Variants in ST3GAL3 observed in about 807,000 individuals in gnomAD.
ST3GAL3 encodes the protein ST3 beta-galactoside alpha-2,3-sialyltransferase 3.
Under a neutral mutation model 50.1 loss-of-function variants are expected in ST3GAL3, and 21 were observed. The observed-to-expected ratio is 0.42, with a 90% CI of 0.30 to 0.60. The LOEUF is 0.60. ST3GAL3 is among the 20% of genes least tolerant of loss of function. ST3GAL3 has a pLI of 0.19. For synonymous variants in ST3GAL3, 183 were observed against 190.0 expected (o/e 0.96, Z 0.30); for missense variants, 353 against 489.4 (o/e 0.72, Z 2.63).
intron 5 of ST3GAL3, among the ~76,000 whole-genome samples, chr1:43,859,783 C>G (rs983719860): frequency 9.2e-5 from 14 of 152,196 alleles, no homozygotes; most frequent in African/African-American, 3.4e-4. Flanking sequence ...GGCTCTGTAC[C>G]TGCTGTCTCC....
chr1:43,828,071 A>G (rs1475348210), intron 4 of ST3GAL3, among the ~76,000 whole-genome samples: 1 of 152,196 alleles, frequency 6.6e-6, no homozygotes, highest in Non-Finnish European at 1.5e-5. Context: ...AGATCAATAG[A>G]ATAGGATAGA....
chr1:43,785,540 G>A (rs1038846723), intron 2 of ST3GAL3, among the ~76,000 whole-genome samples: 10 of 152,306 alleles, frequency 6.6e-5, no homozygotes, highest in East Asian at 1.9e-4. Context: ...GATGATCCAT[G>A]GGATAGCTGG....
intron 1 of ST3GAL3, chr1:43,709,277 A>G (rs1398279688): frequency 6.6e-6 from 1 of 152,214 alleles, no homozygotes; most frequent in Non-Finnish European, 1.5e-5. Flanking sequence ...TCCAAGAGGT[A>G]CCTTTGTCCT....
intron 5 of ST3GAL3, 66 bp from the exon 6 acceptor site, chr1:43,894,317 G>A (rs975390847): frequency 8.6e-6 from 13 of 1,514,602 alleles, no homozygotes; most frequent in Admixed American, 8.4e-5. Context: ...ACCGACGTAC[G>A]GAAGTGCCAC....
At chr1:43,736,824 C>G (rs1293551133) in intron 2 of ST3GAL3, 1 of 269,076 alleles carries the variant, frequency 3.7e-6, no homozygotes, top group Non-Finnish European at 7.3e-6. Context: ...GTTTTGTTTT[C>G]CCTAAAGAAA....
chr1:43,729,963 C>A (rs1674896406), intron 1 of ST3GAL3, among the ~76,000 whole-genome samples: 1 of 152,208 alleles, frequency 6.6e-6, no homozygotes. Flanking sequence ...TGTTTTTACC[C>A]CACAGCCTCA....
chr1:43,729,401 T>C (rs1463390155), intron 1 of ST3GAL3, among the ~76,000 whole-genome samples: 3 of 152,226 alleles, frequency 2.0e-5, no homozygotes, highest in Non-Finnish European at 2.9e-5. Context: ...ACCATTTTTT[T>C]CCCACTGAAT....
chr1:43,844,234 A>G (rs528216686), intron 5 of ST3GAL3, among the ~76,000 whole-genome samples: 1 of 152,290 alleles, frequency 6.6e-6, no homozygotes, highest in East Asian at 1.9e-4. Context: ...GATTCATTGC[A>G]TCATTGACCA....
chr1:43,801,451 C>A (rs1169088188), intron 3 of ST3GAL3: 5 of 443,192 alleles, frequency 1.1e-5, no homozygotes, highest in Non-Finnish European at 1.8e-5. Flanking sequence ...CAGTAGGACA[C>A]CTGGCTTCAG....
chr1:43,727,904 A>G lies in ST3GAL3; in HGVS notation c.-30-8329A>G, dbSNP rs149089315. ...ACTTTTATTTTCAATTCAGTGATAC[A>G]TGTTCAGGTTTGTTACATGGGTATT... On this transcript the variant is annotated intron_variant, in intron 1 of 11. Transcript: ENST00000347631. Among the ~76,000 whole-genome samples, 382 of 152,194 alleles carry G rather than the reference A, an allele frequency of 2.5e-3. 10 individuals carry two copies. Among genetic ancestry groups the G allele is most frequent in the Admixed American group, 0.02 (309 of 15,290 alleles).
intron 5 of ST3GAL3, among the ~76,000 whole-genome samples, chr1:43,859,810 T>C (rs898187158): frequency 3.9e-5 from 6 of 152,178 alleles, no homozygotes; most frequent in Non-Finnish European, 8.8e-5. Flanking sequence ...CTTGCTCCCA[T>C]GTGTCCAAGG....
chr1:43,828,869 C>T (rs1252876107), intron 4 of ST3GAL3, among the ~76,000 whole-genome samples: 1 of 152,178 alleles, frequency 6.6e-6, no homozygotes, highest in Non-Finnish European at 1.5e-5. Flanking sequence ...TTGGCAGCAG[C>T]TTACAAAGTG....
At chr1:43,872,744 G>A (rs1216337087) in intron 5 of ST3GAL3, among the ~76,000 whole-genome samples, 1 of 152,148 alleles carries the variant, frequency 6.6e-6, no homozygotes, top group Non-Finnish European at 1.5e-5. Flanking sequence ...GCAAAGAAAC[G>A]ATATAGAAAT....
chr1:43,804,435 C>A (rs1300622589), intron 3 of ST3GAL3, among the ~76,000 whole-genome samples: 1 of 152,168 alleles, frequency 6.6e-6, no homozygotes, highest in Non-Finnish European at 1.5e-5. Context: ...ACTGAATAAT[C>A]AGTAACATGA....
chr1:43,924,706 A>G (rs1031181461), intron 11 of ST3GAL3, among the ~76,000 whole-genome samples: 2 of 152,224 alleles, frequency 1.3e-5, no homozygotes, highest in African/African-American at 4.8e-5. Context: ...GAGAGAGGCG[A>G]TGAGCCAGAT....
At chr1:43,822,646 A>G (rs887967590) in intron 4 of ST3GAL3, among the ~76,000 whole-genome samples, 4 of 152,166 alleles carry the variant, frequency 2.6e-5, no homozygotes, top group Non-Finnish European at 5.9e-5. Flanking sequence ...TGCAAGGGGA[A>G]AGCATTTATT....
At chr1:43,877,061 C>G (rs2074257460) in intron 5 of ST3GAL3, among the ~76,000 whole-genome samples, 1 of 152,196 alleles carries the variant, frequency 6.6e-6, no homozygotes, top group African/African-American at 2.4e-5. Context: ...CGACAATAGT[C>G]TGTGACAGGT....
chr1:43,822,815 A>G (rs957469604), intron 4 of ST3GAL3, among the ~76,000 whole-genome samples: 1 of 151,892 alleles, frequency 6.6e-6, no homozygotes, highest in Non-Finnish European at 1.5e-5. Flanking sequence ...CTTTCCCCAC[A>G]CTCCAGACTC....
At chr1:43,795,831 G>A (rs1295121218) in intron 3 of ST3GAL3, among the ~76,000 whole-genome samples, 1 of 152,138 alleles carries the variant, frequency 6.6e-6, no homozygotes, top group Non-Finnish European at 1.5e-5. Flanking sequence ...AGACAGATAG[G>A]GGAAGAATAC....
Sources: gnomAD v4.1 joint callset for allele counts (sites outside exome capture counted in the v4.1 genomes callset) on GRCh38, gnomAD v4.1.1 for gene constraint, MANE v1.5 for transcripts, NCBI Gene and HGNC (gene_info 2026-07-23, HGNC 2026-07-21) for gene names.